HPS1: variants seen among roughly 807,000 people sequenced by gnomAD.
HPS1 encodes HPS1 biogenesis of lysosomal organelles complex 3 subunit 1, also known as BLOC-3 complex member HPS1.
In HPS1, 59 loss-of-function variants were observed where a neutral mutation model predicts 90.6. The ratio of observed to expected loss-of-function variants is 0.65; its 90% CI spans 0.53 to 0.81. The LOEUF (loss-of-function observed/expected upper bound fraction) is 0.81. HPS1 is among the 30% of genes least tolerant of loss of function. The pLI is 0.00. For missense variants in HPS1, 849 were observed against 896.7 expected, an observed-to-expected ratio of 0.95 and a Z score of 0.68; for synonymous variants, 388 against 384.4, an observed-to-expected ratio of 1.01 and a Z score of -0.11.
intron 6 of HPS1, among the ~76,000 whole-genome samples, chr10:98,432,558 C>G (rs1255128247): frequency 1.3e-5 from 2 of 152,192 alleles, no homozygotes; most frequent in African/African-American, 4.8e-5. Context: ...TGCTATTTAA[C>G]ACATCCCTTG....
At chr10:98,429,349 C>T (rs1274504492) in intron 10 of HPS1, 2 of 1,472,120 alleles carry the variant, frequency 1.4e-6, no homozygotes, top group Non-Finnish European at 1.8e-6. Context: ...TTGTCATCAA[C>T]AGCTTTAGGG....
intron 7 of HPS1, 73 bp downstream of exon 7, chr10:98,431,058 T>G (rs1471815011): frequency 1.3e-6 from 2 of 1,518,362 alleles, no homozygotes; most frequent in Non-Finnish European, 1.8e-6. Flanking sequence ...GGTGGTGCTT[T>G]TCAGGCAGAG....
intron 18 of HPS1, 142 bp downstream of exon 18, chr10:98,419,903 T>A: frequency 1.3e-6 from 1 of 742,260 alleles, no homozygotes; most frequent in Admixed American, 1.8e-5. Flanking sequence ...CTCTGAACTC[T>A]GGCTCCCAAC....
chr10:98,420,330 T>C, intron 17 of HPS1, 172 bp from the exon 18 acceptor site: 2 of 646,758 alleles, frequency 3.1e-6, no homozygotes, highest in East Asian at 5.7e-5. Context: ...AATAAATCAT[T>C]ATTGGATGGA....
At chr10:98,444,847 C>T (rs1049891485) in intron 2 of HPS1, among the ~76,000 whole-genome samples, 80 of 152,246 alleles carry the variant, frequency 5.3e-4, no homozygotes, top group Non-Finnish European at 1.3e-4. Flanking sequence ...CTGGGAGAGG[C>T]GGGTGGACCT....
At chr10:98,428,755 G>T (rs1845946690) in intron 10 of HPS1, among the ~76,000 whole-genome samples, 1 of 138,752 alleles carries the variant, frequency 7.2e-6, no homozygotes, top group Non-Finnish European at 1.5e-5. Flanking sequence ...TTTATTCATA[G>T]TGACCACAAC....
At chr10:98,422,790 G>A (rs1479730948) in intron 16 of HPS1, among the ~76,000 whole-genome samples, 1 of 152,244 alleles carries the variant, frequency 6.6e-6, no homozygotes, top group African/African-American at 2.4e-5. Flanking sequence ...TCATTTTCAT[G>A]AGGGATGAAT....
In HPS1 at chr10:98,425,878, C is replaced by T. The variant is rs560336269; in HGVS notation, c.1095G>A (p.Val365=). The T allele has an allele frequency of 2.3e-5, 37 of 1,614,130 alleles. No individual in the cohort carries two copies. The African/African-American group carries it at 4.8e-4, about 21-fold the overall frequency. ...ANVKESYCPL[V]PHTMYCLPLW... ...GGGGCAGGCAGTACATGGTGTGGGG[C>T]ACTAGGGGGCAGTAGCTTTCCTTCA... Residue 365 remains valine, a synonymous_variant, in exon 12 of 20, where the codon GTG becomes GTA. Coordinates refer to ENST00000361490, the MANE Select transcript of HPS1 (RefSeq NM_000195.5).
rs187816944 is a variant in HPS1 at position 98,445,650 on chromosome 10, C to G, written c.-105-246G>C. ...CACTTTTGTTCCTTCCTCCTTTGTT[C>G]CCATGAAGTGCTCTCACTTCTGCGG... On this transcript the variant is annotated intron_variant, in intron 1 of 19. Transcript: ENST00000361490. This position sits in a 1 kb window ranked among gnomAD's most constrained non-coding sequence, Gnocchi z 4.5. Among the ~76,000 whole-genome samples the G allele has an allele frequency of 1.1e-4, 17 of 152,294 alleles. No homozygotes were observed. The East Asian group carries it at 3.1e-3, about 28-fold the overall frequency.
intron 17 of HPS1, 167 bp from the exon 18 acceptor site, chr10:98,420,325 A>C: frequency 1.5e-5 from 10 of 648,698 alleles, no homozygotes; most frequent in East Asian, 5.8e-5. Context: ...TCAACAATAA[A>C]TCATTATTGG....
At chr10:98,420,808 C>A (rs903686187) in intron 17 of HPS1, among the ~76,000 whole-genome samples, 1 of 152,172 alleles carries the variant, frequency 6.6e-6, no homozygotes, top group South Asian at 2.1e-4. Flanking sequence ...CACAGGAGAA[C>A]AAGGTGTGGT....
At position 98,423,636 on chromosome 10, in the gene HPS1, A is replaced by G; in HGVS notation, c.1565T>C (p.Leu522Pro). 6.2e-7 allele frequency: 1 copy of G among 1,614,030 alleles called. No individual in the cohort carries two copies. The highest frequency in any genetic ancestry group is 2.2e-5 in the East Asian group (1 of 44,864). The change falls in exon 16 of 20, where the codon CTG becomes CCG. Residue 522 changes from leucine to proline, a missense_variant. Transcript: ENST00000361490. ...EKLTDWKDFL[L>P]VKSRRNITMV... ...GGTGATGTTCCTCCTGCTCTTCACC[A>G]GCAAGAAGTCCTTCCAGTCCGTCAG...
intron 9 of HPS1, 22 bp downstream of exon 9, chr10:98,429,769 C>T (rs746960675): frequency 6.2e-7 from 1 of 1,613,732 alleles, no homozygotes; most frequent in South Asian, 1.1e-5. Flanking sequence ...GCCCCTGACT[C>T]CACGAAGTGC....
At chr10:98,423,139 A>C (rs1351475038) in intron 16 of HPS1, among the ~76,000 whole-genome samples, 1 of 152,190 alleles carries the variant, frequency 6.6e-6, no homozygotes, top group Non-Finnish European at 1.5e-5. Context: ...TCCATAATAA[A>C]AGGGTCAAAT....
intron 3 of HPS1, chr10:98,442,872 G>A (rs537720349): frequency 2.1e-4 from 110 of 513,854 alleles, no homozygotes; most frequent in African/African-American, 1.9e-3. Flanking sequence ...GATAAAATTC[G>A]ACTTCTTCTT....
At chr10:98,423,707 G>A (rs373445444) in intron 15 of HPS1, 39 bp from the exon 16 acceptor site, 161 of 1,613,910 alleles carry the variant, frequency 1.0e-4, no homozygotes, top group Non-Finnish European at 1.3e-4. Context: ...GGAAGTACGG[G>A]CCCCAGACCC....
Position 98,435,430 on chromosome 10 carries a change from G to A in HPS1, c.256-16C>T, listed in dbSNP as rs751538318. ...ATTCTCCAAACTGCAGGCACAGGCAGGCCAGTGTCAGCCAGCCCCAAGGGC... is the reference window on the plus strand; with the variant it reads ...ATTCTCCAAACTGCAGGCACAGGCAAGCCAGTGTCAGCCAGCCCCAAGGGC... On this transcript the variant is annotated splice_polypyrimidine_tract_variant and intron_variant, in intron 4 of 19. Transcript: ENST00000361490. This position sits in a 1 kb window ranked among gnomAD's most constrained non-coding sequence, Gnocchi z 4.3. 7.4e-6 allele frequency: 12 copies of A among 1,613,726 alleles called. No individual in the cohort carries two copies. In the East Asian group the frequency reaches 2.7e-4, roughly 36 times the overall value.
At chr10:98,440,609 G>C (rs1038338225) in intron 3 of HPS1, among the ~76,000 whole-genome samples, 1 of 151,886 alleles carries the variant, frequency 6.6e-6, no homozygotes, top group Non-Finnish European at 1.5e-5. Context: ...ATATTAAAAA[G>C]CTAATAGCTC....
intron 7 of HPS1, among the ~76,000 whole-genome samples, 192 bp downstream of exon 7, chr10:98,430,939 A>G (rs953124923): frequency 2.6e-5 from 4 of 152,252 alleles, no homozygotes; most frequent in Non-Finnish European, 4.4e-5. Context: ...ACTCTAAGAC[A>G]GTGTTCCAGG....
Sources: allele counts gnomAD v4.1 joint callset (sites outside exome capture counted in the v4.1 genomes callset), GRCh38; gene constraint gnomAD v4.1.1; non-coding constraint Gnocchi (gnomAD v3.1); transcripts MANE v1.5; gene names NCBI Gene and HGNC (gene_info 2026-07-23, HGNC 2026-07-21).